Variants in KIAA1549 observed in about 807,000 individuals in gnomAD.
KIAA1549 encodes the protein UPF0606 protein KIAA1549.
In KIAA1549, 70 loss-of-function variants were observed where a neutral mutation model predicts 156.4. The ratio of observed to expected loss-of-function variants is 0.45; its 90% CI spans 0.37 to 0.55. The LOEUF (loss-of-function observed/expected upper bound fraction) is 0.55, where lower values mean the gene tolerates loss of function less well. Ranked by LOEUF, KIAA1549 falls within the 20% of genes least tolerant of loss-of-function variation. The probability of loss-of-function intolerance (pLI) is 0.00; values close to 1 mark genes in which losing one functional copy is unlikely to be tolerated. For synonymous variants in KIAA1549, 1,103 were observed against 1,066.4 expected, an observed-to-expected ratio of 1.03 and a Z score of -0.67; for missense variants, 2,428 against 2,540.9, an observed-to-expected ratio of 0.96 and a Z score of 0.96.
chr7:138,916,473 T>C (rs1205604385), intron 2 of KIAA1549, among the ~76,000 whole-genome samples: 1 of 152,220 alleles, frequency 6.6e-6, no homozygotes, highest in East Asian at 1.9e-4. Context: ...GGGCTGAGCG[T>C]TCTGCAGGGA....
At chr7:138,874,229 C>G (rs1419289695) in intron 12 of KIAA1549, among the ~76,000 whole-genome samples, 2 of 151,598 alleles carry the variant, frequency 1.3e-5, no homozygotes, top group Admixed American at 6.6e-5. Context: ...TGCCTTAAGG[C>G]TAGTAGGAAC....
chr7:138,842,124 C>T (rs1002832371), intron 18 of KIAA1549, among the ~76,000 whole-genome samples: 1 of 152,178 alleles, frequency 6.6e-6, no homozygotes, highest in Non-Finnish European at 1.5e-5. Flanking sequence ...CGCGGTGTTC[C>T]CTGTTTCCAA....
At chr7:138,979,964 T>G (rs1461842555) in intron 1 of KIAA1549, among the ~76,000 whole-genome samples, 2 of 152,140 alleles carry the variant, frequency 1.3e-5, no homozygotes, top group Non-Finnish European at 2.9e-5. Flanking sequence ...ATCCCTGAAG[T>G]CCTCCCTGTG....
intron 1 of KIAA1549, among the ~76,000 whole-genome samples, chr7:138,922,381 T>C (rs905308804): frequency 6.6e-6 from 1 of 152,004 alleles, no homozygotes; most frequent in Non-Finnish European, 1.5e-5. Context: ...ATAAAATACA[T>C]AGGAAAGCAA....
intron 19 of KIAA1549, among the ~76,000 whole-genome samples, chr7:138,839,477 A>G (rs1205542242): frequency 6.6e-6 from 1 of 152,236 alleles, no homozygotes; most frequent in African/African-American, 2.4e-5. Flanking sequence ...CATGGTCATA[A>G]TACAAATGAC....
At chr7:138,913,243 G>A (rs1045100027) in intron 2 of KIAA1549, among the ~76,000 whole-genome samples, 6 of 152,136 alleles carry the variant, frequency 3.9e-5, no homozygotes, top group Non-Finnish European at 8.8e-5. Context: ...TCTGTAAAAT[G>A]AGGTCTCCTA....
intron 1 of KIAA1549, among the ~76,000 whole-genome samples, chr7:138,932,234 T>A (rs1186099009): frequency 6.6e-6 from 1 of 152,202 alleles, no homozygotes; most frequent in South Asian, 2.1e-4. Flanking sequence ...CTTTATTTTG[T>A]CTTAACTGGA....
intron 1 of KIAA1549, among the ~76,000 whole-genome samples, chr7:138,924,535 C>T (rs1812658005): frequency 6.6e-6 from 1 of 152,154 alleles, no homozygotes; most frequent in Non-Finnish European, 1.5e-5. Flanking sequence ...TCAACTAGGC[C>T]TTCTAAGGAC....
chr7:138,931,956 G>A (rs947017038), intron 1 of KIAA1549, among the ~76,000 whole-genome samples: 2 of 152,078 alleles, frequency 1.3e-5, no homozygotes, highest in Non-Finnish European at 2.9e-5. Context: ...AAGACCATGT[G>A]TTCCTGGAGG....
rs1015154920 is a variant in KIAA1549, at chr7:138,833,192, A to G, written c.*4714T>C. 2 of 232,530 alleles carry G rather than the reference A, an allele frequency of 8.6e-6. No individual in the cohort carries two copies. The highest frequency in any genetic ancestry group is 1.1e-4 in the Admixed American group (2 of 17,732). 14.4% of individuals were successfully genotyped at this position (232,530 alleles called of 1,614,324 possible). The stretch of plus-strand genomic sequence containing the variant: ...CCACTTGAGCTAAAGTTAGCGTGGG[A>G]GTTAAGACCGGAGTCCTCCTTCCCC... On this transcript the variant is annotated 3_prime_UTR_variant, in exon 20 of 20. Transcript: ENST00000422774.
At chr7:138,854,188 A>G (rs966338301) in intron 16 of KIAA1549, among the ~76,000 whole-genome samples, 1 of 152,210 alleles carries the variant, frequency 6.6e-6, no homozygotes, top group African/African-American at 2.4e-5. Context: ...GTATATAAAA[A>G]TCCCACTTTA....
rs1339858484 is a variant in KIAA1549 at position 138,936,532 on chromosome 7, T to C, written c.188-17094A>G. On this transcript the variant is annotated intron_variant, in intron 1 of 19. Transcript: ENST00000422774. ...CAGAGATGTTCTGAGTCCATGGACA[T>C]TGCCTGCTTCTTCGCTCACTCTGGG... Among the ~76,000 whole-genome samples, 3 of 152,182 alleles carry C rather than the reference T, an allele frequency of 2.0e-5. 1 individual carries two copies. The highest frequency in any genetic ancestry group is 3.8e-4 in the East Asian group (2 of 5,206).
chr7:138,941,085 T>A (rs1813170895), intron 1 of KIAA1549, among the ~76,000 whole-genome samples: 3 of 151,958 alleles, frequency 2.0e-5, no homozygotes, highest in Admixed American at 2.0e-4. Context: ...TTAAAAAAAA[T>A]TAAAAAATAA....
At chr7:138,940,994 T>C (rs1197169389) in intron 1 of KIAA1549, among the ~76,000 whole-genome samples, 1 of 152,196 alleles carries the variant, frequency 6.6e-6, no homozygotes, top group East Asian at 1.9e-4. Context: ...TAGTTTCTTT[T>C]GCTGTGCAGA....
At chr7:138,883,514 A>C (rs1811309732) in intron 10 of KIAA1549, among the ~76,000 whole-genome samples, 1 of 151,790 alleles carries the variant, frequency 6.6e-6, no homozygotes, top group Non-Finnish European at 1.5e-5. Context: ...ATGGGGTCTC[A>C]CTATGTTGCC....
Position 138,835,037 on chromosome 7 carries a change from G to A in KIAA1549, c.*2869C>T, listed in dbSNP as rs1385941231. ...AAATTTACAGTTTGTGTTACCACTA[G>A]AACTTTTAAAATAGGAAAAAAGAAT... On this transcript the variant is annotated 3_prime_UTR_variant, in exon 20 of 20. Transcript: ENST00000422774. The A allele has an allele frequency of 8.9e-6, 2 of 224,212 alleles. No homozygotes were observed. Among genetic ancestry groups the A allele is most frequent in the African/African-American group, 4.5e-5 (2 of 44,608 alleles). 13.9% of individuals were successfully genotyped at this position (224,212 alleles called of 1,614,324 possible). A position where few individuals can be genotyped will look rare whatever the true frequency, so the allele number is the denominator to read the frequency against.
At chr7:138,859,236 G>C (rs1024209822) in intron 16 of KIAA1549, among the ~76,000 whole-genome samples, 7 of 151,922 alleles carry the variant, frequency 4.6e-5, no homozygotes, top group Non-Finnish European at 8.8e-5. Flanking sequence ...TTTTCTAGAG[G>C]GAGCAGTTCT....
chr7:138,968,151 A>G (rs1181783724), intron 1 of KIAA1549, among the ~76,000 whole-genome samples: 1 of 152,150 alleles, frequency 6.6e-6, no homozygotes, highest in East Asian at 1.9e-4. Flanking sequence ...GATCACATGG[A>G]CACAGGGAAG....
intron 1 of KIAA1549, among the ~76,000 whole-genome samples, chr7:138,924,569 C>T (rs574994435): frequency 4.6e-4 from 70 of 152,202 alleles, no homozygotes; most frequent in African/African-American, 1.3e-3. Flanking sequence ...GGCAAAGTGG[C>T]CAAAGGGACA....
Sources: allele counts gnomAD v4.1 joint callset (sites outside exome capture counted in the v4.1 genomes callset), GRCh38; gene constraint gnomAD v4.1.1; transcripts MANE v1.5; gene names NCBI Gene and HGNC (gene_info 2026-07-23, HGNC 2026-07-21).